The following CCDC146 variants were observed in gnomAD, a reference collection of about 807,000 sequenced individuals.
The protein encoded by CCDC146 is coiled-coil domain containing 146.
Under a neutral mutation model 119.3 loss-of-function variants are expected in CCDC146, and 92 were observed. That is an observed-to-expected ratio of 0.77 (90% CI 0.65 to 0.92). CCDC146 has a LOEUF of 0.92. Ranked by LOEUF, CCDC146 falls within the 40% of genes least tolerant of loss-of-function variation. CCDC146 has a pLI of 0.00. For missense variants in CCDC146, 1,000 were observed against 1,103.0 expected (o/e 0.91, Z 1.32); for synonymous variants, 372 against 371.8 (o/e 1.00, Z -0.01).
chr7:77,171,043 C>T (rs1472200965), intron 2 of CCDC146, among the ~76,000 whole-genome samples: 3 of 152,120 alleles, frequency 2.0e-5, no homozygotes, highest in African/African-American at 4.8e-5. Context: ...CATCATATGT[C>T]GAACTTTGCA....
intron 18 of CCDC146, among the ~76,000 whole-genome samples, 194 bp from the exon 19 acceptor site, chr7:77,294,469 T>TGG (rs1259051659): frequency 7.8e-6 from 1 of 127,448 alleles, no homozygotes; most frequent in African/African-American, 3.1e-5. Context: ...GGTAGGTGTG[T>TGG]GTGTGTGTGT....
At chr7:77,250,462 T>C (rs1793036069) in intron 4 of CCDC146, among the ~76,000 whole-genome samples, 1 of 152,226 alleles carries the variant, frequency 6.6e-6, no homozygotes, top group South Asian at 2.1e-4. Context: ...AGCTTTAGTT[T>C]GGTGGTTTTT....
chr7:77,276,961 A>G (rs1041130126), intron 11 of CCDC146, among the ~76,000 whole-genome samples: 1 of 152,204 alleles, frequency 6.6e-6, no homozygotes, highest in Admixed American at 6.5e-5. Flanking sequence ...AATCCCGGCT[A>G]CTCAGGAGGC....
At chr7:77,260,936 G>C (rs1225024134) in intron 8 of CCDC146, among the ~76,000 whole-genome samples, 1 of 151,876 alleles carries the variant, frequency 6.6e-6, no homozygotes, top group Non-Finnish European at 1.5e-5. Context: ...CCTATGTCCT[G>C]CTTTTAAGTA....
Position 77,280,587 on chromosome 7 carries a change from T to C in CCDC146, c.1853T>C (p.Met618Thr), listed in dbSNP as rs1793744426. 5.6e-6 allele frequency: 9 copies of C among 1,613,938 alleles called. No homozygotes were observed. The highest frequency in any genetic ancestry group is 1.7e-5 in the Admixed American group (1 of 59,990). ...GACAGACTTGCCAACACGATCACAA[T>C]GATCGAAGAGGAGATGGTGCAGCTT... ...NIDRLANTIT[M>T]IEEEMVQLRK... Residue 618 changes from methionine to threonine, a missense_variant, in exon 14 of 19, where the codon ATG (methionine) becomes ACG (threonine). By Grantham distance (81) the Met-to-Thr change is moderately conservative. This residue lies in a region of CCDC146 where 985 missense variants were observed against 1,045.3 expected (regional missense o/e 0.94). Coordinates refer to ENST00000285871, the MANE Select transcript of CCDC146 (RefSeq NM_020879.3).
chr7:77,215,190 GT>G lies in CCDC146; in HGVS notation c.157-21744del, dbSNP rs34787359. On this transcript the variant is annotated intron_variant, in intron 2 of 18. Coordinates refer to ENST00000285871, the MANE Select transcript of CCDC146 (RefSeq NM_020879.3). ...TGTGGGGTGTTTTTATTTTTTTGGT[GT>G]TTTTTTTTTTTTGAAGTATTACTGT... is the stretch of plus-strand genomic sequence containing the variant. 6.2e-3 allele frequency among the ~76,000 whole-genome samples: 878 copies of G among 142,426 alleles called. 7 individuals carry two copies. Among genetic ancestry groups the G allele is most frequent in the South Asian group, 5.5e-3 (25 of 4,544 alleles). 93.4% of individuals were successfully genotyped at this position (142,426 alleles called of 152,430 possible). A position where few individuals can be genotyped will look rare whatever the true frequency, so the allele number is the denominator to read the frequency against.
chr7:77,191,573 A>T (rs1791762782), intron 2 of CCDC146, among the ~76,000 whole-genome samples: 1 of 152,202 alleles, frequency 6.6e-6, no homozygotes, highest in Non-Finnish European at 1.5e-5. Flanking sequence ...GAGAGGTGCC[A>T]GGACCCCACC....
At chr7:77,261,979 G>T (rs1175461986) in intron 8 of CCDC146, 142 bp from the exon 9 acceptor site, 2 of 634,984 alleles carry the variant, frequency 3.1e-6, no homozygotes, top group Non-Finnish European at 5.4e-6. Flanking sequence ...GGATTGCTGG[G>T]TCAAACGGTA....
intron 2 of CCDC146, among the ~76,000 whole-genome samples, chr7:77,233,237 C>T (rs907660649): frequency 3.3e-5 from 5 of 151,986 alleles, no homozygotes; most frequent in Admixed American, 6.6e-5. Flanking sequence ...TACAGGCATG[C>T]GCCACCATGC....
intron 1 of CCDC146, among the ~76,000 whole-genome samples, chr7:77,164,374 T>C (rs563008091): frequency 1.2e-4 from 19 of 152,154 alleles, no homozygotes; most frequent in African/African-American, 3.6e-4. Context: ...CTAGCAAATA[T>C]AAAGTATTGT....
At chr7:77,210,863 A>G (rs957216516) in intron 2 of CCDC146, among the ~76,000 whole-genome samples, 5 of 152,088 alleles carry the variant, frequency 3.3e-5, no homozygotes, top group Non-Finnish European at 7.4e-5. Flanking sequence ...GGTGCTACAC[A>G]CTTCCAAACA....
At chr7:77,252,046 GGCTGA>G (rs753532490) in intron 4 of CCDC146, among the ~76,000 whole-genome samples, 3 of 152,242 alleles carry the variant, frequency 2.0e-5, no homozygotes, top group Non-Finnish European at 4.4e-5. Flanking sequence ...CTATCCAGGA[GGCTGA>G]GGCAGGAGAA....
intron 1 of CCDC146, among the ~76,000 whole-genome samples, chr7:77,143,590 G>T (rs905564725): frequency 5.5e-4 from 84 of 151,752 alleles, no homozygotes; most frequent in Admixed American, 9.2e-4. Context: ...AATTAATTTT[G>T]GTATAAGGTG....
At position 77,262,163 on chromosome 7, in the gene CCDC146, G is replaced by A; in HGVS notation, c.1029G>A (p.Lys343=). 8 of 1,611,834 alleles carry A rather than the reference G, an allele frequency of 5.0e-6. No homozygotes were observed. Among genetic ancestry groups the A allele is most frequent in the Non-Finnish European group, 5.1e-6 (6 of 1,179,252 alleles). The change falls in exon 9 of 19, where the codon AAG becomes AAA. Residue 343 remains lysine, a synonymous_variant. Coordinates refer to ENST00000285871, the MANE Select transcript of CCDC146 (RefSeq NM_020879.3). ...DLNLRNSLID[K]QNYHDELSRK... ...ATTTACGCAACAGTCTCATTGACAAGCAGAACTACCATGATGAACTTTCTC... is the reference window on the plus strand; with the variant it reads ...ATTTACGCAACAGTCTCATTGACAAACAGAACTACCATGATGAACTTTCTC...
Position 77,279,011 on chromosome 7 carries a change from C to T in CCDC146, c.1604C>T (p.Ala535Val). 6.2e-7 allele frequency: 1 copy of T among 1,612,398 alleles called. No homozygotes were observed. The highest frequency in any genetic ancestry group is 1.1e-5 in the South Asian group (1 of 90,672). The change falls in exon 13 of 19, where the codon GCT becomes GTT. Residue 535 changes from alanine to valine, a missense_variant. Ala to Val is a moderately conservative substitution (Grantham distance 64). Transcript: ENST00000285871. ...AAATTTGTTAACTTACTCCACAAAG[C>T]TCATCAGAAAGTAAATGAAATAAAA... is the stretch of plus-strand genomic sequence containing the variant. Reference protein sequence around the residue: ...RNKFVNLLHKAHQKVNEIKER... With the variant: ...RNKFVNLLHKVHQKVNEIKER...
intron 3 of CCDC146, among the ~76,000 whole-genome samples, chr7:77,238,790 C>A (rs561869642): frequency 3.9e-5 from 6 of 152,314 alleles, no homozygotes; most frequent in Non-Finnish European, 7.4e-5. Flanking sequence ...CCCTGGCCCA[C>A]AACTCAGTTC....
chr7:77,250,412 A>G (rs1793034884), intron 4 of CCDC146, among the ~76,000 whole-genome samples: 1 of 152,162 alleles, frequency 6.6e-6, no homozygotes, highest in Non-Finnish European at 1.5e-5. Context: ...GAAAGGCTTT[A>G]TTTCTCCTTT....
intron 2 of CCDC146, among the ~76,000 whole-genome samples, chr7:77,182,921 C>A (rs1318794574): frequency 1.3e-5 from 2 of 152,096 alleles, no homozygotes; most frequent in African/African-American, 2.4e-5. Context: ...CTCAAGGAAC[C>A]ACCAGAGAAA....
chr7:77,293,151 T>A lies in CCDC146; in HGVS notation c.2615T>A (p.Val872Asp), dbSNP rs1456749290. The A allele has an allele frequency of 6.2e-7, 1 of 1,614,136 alleles. No individual in the cohort carries two copies. Among genetic ancestry groups the A allele is most frequent in the Non-Finnish European group, 8.5e-7 (1 of 1,180,012 alleles). ...GAAATTGAGAAAGAATGGTTGAAAG[T>A]CCTTCGAGATGAAGAAATGCACGCC... ...NKEIEKEWLK[V>D]LRDEEMHALA... Residue 872 changes from valine (V) to aspartate (D), a missense_variant, in exon 18 of 19, where the codon GTC becomes GAC. Physicochemically the swap from Val to Asp is radical, Grantham distance 152 (BLOSUM62 -3). Around this residue, in one of 2 missense-constraint regions of CCDC146, gnomAD observed 985 missense variants for 1,045.3 expected, o/e 0.94. Transcript: ENST00000285871.
Sources: gnomAD v4.1 joint callset for allele counts (sites outside exome capture counted in the v4.1 genomes callset) on GRCh38, gnomAD v4.1.1 for gene constraint, gnomAD v4.1.1 regional missense constraint, MANE v1.5 for transcripts, NCBI Gene and HGNC (gene_info 2026-07-23, HGNC 2026-07-21) for gene names.